DIAPH3: variants seen among roughly 807,000 people sequenced by gnomAD.
DIAPH3 encodes diaphanous related formin 3.
A neutral mutation model predicts 144.3 loss-of-function variants in DIAPH3; 117 were observed. The ratio of observed to expected loss-of-function variants is 0.81; its 90% confidence interval spans 0.70 to 0.95. The LOEUF is 0.95. DIAPH3 is among the 40% of genes least tolerant of loss of function. The pLI, the probability that DIAPH3 is intolerant of heterozygous loss-of-function variation, is 0.00. For missense variants in DIAPH3, 1,421 were observed against 1,412.7 expected, an observed-to-expected ratio of 1.01 and a Z score of -0.09; for synonymous variants, 519 against 488.9, an observed-to-expected ratio of 1.06 and a Z score of -0.81.
At chr13:59,915,474 C>T (rs970840435) in intron 19 of DIAPH3, among the ~76,000 whole-genome samples, 10 of 151,878 alleles carry the variant, frequency 6.6e-5, no homozygotes, top group South Asian at 2.1e-4. Context: ...TAAATATATC[C>T]GCTATCAGAA....
intron 4 of DIAPH3, among the ~76,000 whole-genome samples, chr13:60,058,540 T>C (rs1410223282): frequency 6.6e-6 from 1 of 151,892 alleles, no homozygotes; most frequent in Non-Finnish European, 1.5e-5. Context: ...CACAAATCAC[T>C]TTATCAGAAA....
intron 4 of DIAPH3, among the ~76,000 whole-genome samples, chr13:60,055,748 C>A (rs1358734340): frequency 6.6e-6 from 1 of 151,792 alleles, no homozygotes; most frequent in African/African-American, 2.4e-5. Flanking sequence ...AAAAAATACA[C>A]ATATCTCTTC....
chr13:59,802,246 C>T (rs960679264), intron 25 of DIAPH3, among the ~76,000 whole-genome samples: 1 of 152,136 alleles, frequency 6.6e-6, no homozygotes, highest in Non-Finnish European at 1.5e-5. Context: ...TGTGCTAGAT[C>T]GGTTGCTGAA....
rs1327282885 is a variant in DIAPH3 at position 60,107,639 on chromosome 13, G to A, written c.390+4371C>T. Among the ~76,000 whole-genome samples the A allele has an allele frequency of 2.6e-5, 4 of 152,222 alleles. 1 individual carries two copies. The highest frequency in any genetic ancestry group is 4.1e-4 in the South Asian group (2 of 4,826). On this transcript the variant is annotated intron_variant, in intron 3 of 27. Transcript: ENST00000400324. Reference sequence around the variant, plus strand: ...CTACCAGGACATACTTCAAACATACGCTTAAGAGATGACGATGGCATTTTA... The same window carrying A: ...CTACCAGGACATACTTCAAACATACACTTAAGAGATGACGATGGCATTTTA...
intron 27 of DIAPH3, among the ~76,000 whole-genome samples, chr13:59,690,858 C>T (rs906053993): frequency 5.3e-5 from 8 of 152,068 alleles, no homozygotes; most frequent in African/African-American, 1.4e-4. Flanking sequence ...GGCCTTGAGG[C>T]ACTCATATCT....
intron 4 of DIAPH3, among the ~76,000 whole-genome samples, chr13:60,046,492 T>G (rs1177912399): frequency 6.6e-6 from 1 of 152,148 alleles, no homozygotes; most frequent in African/African-American, 2.4e-5. Context: ...GGAGAGGATG[T>G]GTAGAAATAG....
At chr13:60,152,624 A>C (rs1951840920) in intron 1 of DIAPH3, among the ~76,000 whole-genome samples, 1 of 151,946 alleles carries the variant, frequency 6.6e-6, no homozygotes, top group Non-Finnish European at 1.5e-5. Flanking sequence ...AAAGATAAGA[A>C]GGGAGAAAAT....
chr13:59,819,131 A>T (rs1320925885), intron 24 of DIAPH3, among the ~76,000 whole-genome samples: 1 of 151,882 alleles, frequency 6.6e-6, no homozygotes, highest in Non-Finnish European at 1.5e-5. Flanking sequence ...CCTAAATTGT[A>T]ACTGTCCTCT....
chr13:60,152,483 G>T (rs1404690101), intron 1 of DIAPH3, among the ~76,000 whole-genome samples: 1 of 143,222 alleles, frequency 7.0e-6, no homozygotes, highest in African/African-American at 2.7e-5. Context: ...TACTTTTAGG[G>T]AAAGATATAT....
intron 23 of DIAPH3, 74 bp from the exon 24 acceptor site, chr13:59,833,345 T>A (rs2041881648): frequency 5.1e-6 from 6 of 1,183,824 alleles, no homozygotes; most frequent in Non-Finnish European, 6.0e-6. Flanking sequence ...GTAAATCCAA[T>A]GTTTTAGTCT....
intron 17 of DIAPH3, among the ~76,000 whole-genome samples, chr13:59,925,434 T>G (rs1401695791): frequency 6.6e-6 from 1 of 152,196 alleles, no homozygotes; most frequent in Non-Finnish European, 1.5e-5. Flanking sequence ...ATCTTCGTGA[T>G]GTACTATTGG....
intron 19 of DIAPH3, 116 bp from the exon 20 acceptor site, chr13:59,911,952 T>A: frequency 1.2e-6 from 1 of 836,332 alleles, no homozygotes; most frequent in Non-Finnish European, 1.9e-6. Context: ...GTTTTATTTC[T>A]AGGTAACCTC....
chr13:60,156,944 T>A lies in DIAPH3; in HGVS notation c.180+6643A>T, dbSNP rs1298493252. ...ATATATATATATATATATATATTTTTTTTTTTTTTTTTTTTGAGACAGAGG... is the reference window on the plus strand; with the variant it reads ...ATATATATATATATATATATATTTTATTTTTTTTTTTTTTTGAGACAGAGG... On this transcript the variant is annotated intron_variant, in intron 1 of 27. Coordinates refer to ENST00000400324, the MANE Select transcript of DIAPH3 (RefSeq NM_001042517.2). 9.9e-3 allele frequency among the ~76,000 whole-genome samples: 491 copies of A among 49,820 alleles called. 3 individuals carry two copies. Among genetic ancestry groups the A allele is most frequent in the African/African-American group, 0.021 (268 of 12,602 alleles). 32.7% of individuals were successfully genotyped at this position (49,820 alleles called of 152,430 possible).
chr13:60,062,596 G>T (rs1430757231), intron 4 of DIAPH3, among the ~76,000 whole-genome samples: 1 of 152,118 alleles, frequency 6.6e-6, no homozygotes, highest in Non-Finnish European at 1.5e-5. Context: ...GAACATGTCA[G>T]ATTCTTAAGT....
Position 60,087,905 on chromosome 13 carries a change from G to A in DIAPH3, c.495+5723C>T, listed in dbSNP as rs796541298. On this transcript the variant is annotated intron_variant, in intron 4 of 27. Transcript: ENST00000400324. Reference sequence around the variant, plus strand: ...CTAAACTGGGCATGTTAATGCAGCTGTAATACAGATGCCAATGATACGTGG... The same window carrying A: ...CTAAACTGGGCATGTTAATGCAGCTATAATACAGATGCCAATGATACGTGG... Among the ~76,000 whole-genome samples, 9 of 152,278 alleles carry A rather than the reference G, an allele frequency of 5.9e-5. No individual in the cohort carries two copies. In the South Asian group the frequency reaches 1.5e-3, roughly 25 times the overall value.
intron 27 of DIAPH3, among the ~76,000 whole-genome samples, chr13:59,765,170 A>G (rs2037806928): frequency 1.3e-5 from 2 of 152,184 alleles, no homozygotes; most frequent in Admixed American, 1.3e-4. Context: ...CTGCTAAACT[A>G]GTTTATATTA....
chr13:59,899,382 T>C (rs1344750890), intron 20 of DIAPH3, among the ~76,000 whole-genome samples: 1 of 152,138 alleles, frequency 6.6e-6, no homozygotes, highest in African/African-American at 2.4e-5. Flanking sequence ...AGAAGGTGCA[T>C]TGAGAAGACT....
At chr13:60,070,369 T>C (rs968404618) in intron 4 of DIAPH3, among the ~76,000 whole-genome samples, 2 of 151,926 alleles carry the variant, frequency 1.3e-5, no homozygotes, top group Non-Finnish European at 2.9e-5. Context: ...TAAAAATCAT[T>C]AGAAATATTT....
chr13:59,668,795 A>G (rs927782923), intron 27 of DIAPH3, among the ~76,000 whole-genome samples: 1 of 151,908 alleles, frequency 6.6e-6, no homozygotes, highest in Non-Finnish European at 1.5e-5. Context: ...TGAACTTGGT[A>G]GGCAAATTAT....
Sources: allele counts gnomAD v4.1 joint callset (sites outside exome capture counted in the v4.1 genomes callset), GRCh38; gene constraint gnomAD v4.1.1; transcripts MANE v1.5; gene names NCBI Gene and HGNC (gene_info 2026-07-23, HGNC 2026-07-21).